Variants in DPH6 observed in about 807,000 individuals in gnomAD.
DPH6 encodes diphthamine biosynthesis 6, also known as diphthine--ammonia ligase.
A neutral mutation model predicts 38.2 loss-of-function variants in DPH6; 33 were observed. The observed-to-expected ratio is 0.86, with a 90% CI of 0.65 to 1.15. The LOEUF (loss-of-function observed/expected upper bound fraction) is 1.15, where lower values mean the gene tolerates loss of function less well. Among genes scored for constraint, DPH6 ranks in the 50% most tolerant of loss-of-function variants. The pLI is 0.00. For synonymous variants in DPH6, 108 were observed against 103.0 expected (o/e 1.05, Z -0.30); for missense variants, 325 against 320.0 (o/e 1.02, Z -0.12).
intron 3 of DPH6, among the ~76,000 whole-genome samples, chr15:35,257,526 G>A (rs989421907): frequency 1.3e-5 from 2 of 152,210 alleles, no homozygotes; most frequent in African/African-American, 4.8e-5. Flanking sequence ...AGAGGTGGTA[G>A]TGACTTGGAA....
downstream of DPH6, among the ~76,000 whole-genome samples, chr15:35,366,947 T>C (rs1173827151): frequency 6.6e-6 from 1 of 151,944 alleles, no homozygotes; most frequent in Non-Finnish European, 1.5e-5. Flanking sequence ...TCAAGATACA[T>C]GCTGGATTGA....
chr15:35,210,544 CACT>C, the DPH6 span, among the ~76,000 whole-genome samples: 1 of 152,182 alleles, frequency 6.6e-6, no homozygotes, highest in Non-Finnish European at 1.5e-5. Flanking sequence ...AACAGTCATA[CACT>C]ACTTCATATG....
intron 5 of DPH6, among the ~76,000 whole-genome samples, chr15:35,434,538 T>C (rs2053672258): frequency 6.6e-6 from 1 of 152,058 alleles, no homozygotes; most frequent in Non-Finnish European, 1.5e-5. Flanking sequence ...AAGACAAAGA[T>C]TGGGTCAATA....
At chr15:35,285,872 G>GTTTTTTTTTTTTTTTTTTTTGTT (rs67243158) in intron 3 of DPH6, among the ~76,000 whole-genome samples, 1 of 52,814 alleles carries the variant, frequency 1.9e-5, no homozygotes, top group African/African-American at 7.5e-5. Flanking sequence ...TTATCTTTGA[G>GTTTTTTTTTTTTTTTTTTTTGTT]TTTTTTTTTT....
intron 3 of DPH6, among the ~76,000 whole-genome samples, chr15:35,296,040 C>A (rs1326748134): frequency 2.6e-5 from 4 of 151,866 alleles, no homozygotes; most frequent in Non-Finnish European, 2.9e-5. Context: ...CCTGGGTTCA[C>A]GCCATTCTCT....
the DPH6 span, among the ~76,000 whole-genome samples, chr15:35,186,079 T>C: frequency 6.6e-6 from 1 of 152,128 alleles, no homozygotes; most frequent in African/African-American, 2.4e-5. Context: ...TTCAGAAATG[T>C]GTATCTTGCT....
chr15:35,151,074 G>T, the DPH6 span, among the ~76,000 whole-genome samples: 1 of 152,160 alleles, frequency 6.6e-6, no homozygotes, highest in Non-Finnish European at 1.5e-5. Context: ...AATGAGACAG[G>T]AAGAAGTAAA....
At chr15:35,523,001 A>G (rs997990586) in intron 3 of DPH6, among the ~76,000 whole-genome samples, 3 of 152,052 alleles carry the variant, frequency 2.0e-5, no homozygotes, top group Admixed American at 6.6e-5. Context: ...ATGATTTCTA[A>G]ATTTTCAAGT....
At chr15:35,346,429 G>A (rs976682526) in intron 3 of DPH6, among the ~76,000 whole-genome samples, 1 of 151,976 alleles carries the variant, frequency 6.6e-6, no homozygotes. Flanking sequence ...AAGTTTATTG[G>A]CAGAGAGTAG....
At chr15:35,232,730 A>T (rs1177126644) in intron 3 of DPH6, among the ~76,000 whole-genome samples, 1 of 152,258 alleles carries the variant, frequency 6.6e-6, no homozygotes, top group East Asian at 1.9e-4. Context: ...AAAATAAAAA[A>T]GATTGATAGG....
chr15:35,413,457 C>G (rs1279723642), intron 5 of DPH6, among the ~76,000 whole-genome samples: 1 of 151,404 alleles, frequency 6.6e-6, no homozygotes, highest in Non-Finnish European at 1.5e-5. Flanking sequence ...TATTTGAAAG[C>G]TATGTTGTTA....
At chr15:35,413,862 A>C (rs949711151) in intron 5 of DPH6, among the ~76,000 whole-genome samples, 1 of 151,612 alleles carries the variant, frequency 6.6e-6, no homozygotes, top group African/African-American at 2.4e-5. Context: ...TGAATTGAAA[A>C]TTATTTTAAT....
the DPH6 span, among the ~76,000 whole-genome samples, chr15:35,194,669 T>C: frequency 6.6e-6 from 1 of 152,218 alleles, no homozygotes; most frequent in Non-Finnish European, 1.5e-5. Context: ...AATCTATTGA[T>C]TGCAGATCCC....
intron 5 of DPH6, among the ~76,000 whole-genome samples, chr15:35,421,175 G>A (rs1009981186): frequency 1.8e-4 from 28 of 152,180 alleles, no homozygotes; most frequent in Non-Finnish European, 3.5e-4. Context: ...CAAATGCCCA[G>A]GATCAGATAA....
At chr15:35,183,770 C>A in the DPH6 span, among the ~76,000 whole-genome samples, 3 of 152,186 alleles carry the variant, frequency 2.0e-5, no homozygotes, top group Non-Finnish European at 2.9e-5. Flanking sequence ...TTATAAAAAA[C>A]ATAATTTCAA....
intron 3 of DPH6, among the ~76,000 whole-genome samples, chr15:35,491,763 A>T (rs2054483474): frequency 6.6e-6 from 1 of 150,794 alleles, no homozygotes; most frequent in Admixed American, 6.6e-5. Context: ...ATGTATACAC[A>T]TATAAATATA....
intron 5 of DPH6, among the ~76,000 whole-genome samples, chr15:35,436,504 C>CAAAAAAAAAAAAAAAAA (rs371533654): frequency 9.2e-6 from 1 of 108,216 alleles, no homozygotes; most frequent in African/African-American, 4.3e-5. Flanking sequence ...CAAAACAAAA[C>CAAAAAAAAAAAAAAAAA]AAAACAAAAC....
chr15:35,173,608 T>C, the DPH6 span, among the ~76,000 whole-genome samples: 1 of 151,960 alleles, frequency 6.6e-6, no homozygotes, highest in South Asian at 2.1e-4. Flanking sequence ...TGGTCTAATG[T>C]CCAAACTTCT....
intron 3 of DPH6, chr15:35,519,638 G>T (rs974199842): frequency 1.2e-4 from 19 of 152,310 alleles, no homozygotes; most frequent in Non-Finnish European, 2.4e-4. Flanking sequence ...TCTCTTGTTT[G>T]AACAAAAATT....
Sources: gnomAD v4.1 joint callset for allele counts (sites outside exome capture counted in the v4.1 genomes callset) on GRCh38, gnomAD v4.1.1 for gene constraint, MANE v1.5 for transcripts, NCBI Gene and HGNC (gene_info 2026-07-23, HGNC 2026-07-21) for gene names.